The following MB21D2 variants were observed in gnomAD, a reference collection of about 807,000 sequenced individuals.
MB21D2 encodes Mab-21 domain containing 2.
MB21D2 carries 9 observed loss-of-function variants against 33.3 expected under a neutral mutation model. The ratio of observed to expected loss-of-function variants is 0.27; its 90% confidence interval spans 0.16 to 0.47. The LOEUF (loss-of-function observed/expected upper bound fraction) is 0.47, where lower values mean the gene tolerates loss of function less well. Ranked by LOEUF, MB21D2 falls within the 20% of genes least tolerant of loss-of-function variation. MB21D2 has a pLI of 0.99. For missense variants in MB21D2, 540 were observed against 624.6 expected, an observed-to-expected ratio of 0.86 and a Z score of 1.44; for synonymous variants, 241 against 236.3, an observed-to-expected ratio of 1.02 and a Z score of -0.18.
chr3:192,905,741 GA>G (rs1714203266), intron 1 of MB21D2, among the ~76,000 whole-genome samples: 1 of 151,728 alleles, frequency 6.6e-6, no homozygotes, highest in Admixed American at 6.6e-5. Context: ...TCTGAGGTGG[GA>G]AAATTGCTTC....
chr3:192,805,167 G>C (rs755418584), intron 1 of MB21D2, among the ~76,000 whole-genome samples: 2 of 152,182 alleles, frequency 1.3e-5, no homozygotes, highest in Non-Finnish European at 2.9e-5. Context: ...AGAGGTCTCA[G>C]GGCAATGTGC....
intron 1 of MB21D2, among the ~76,000 whole-genome samples, chr3:192,830,811 G>T (rs1463159524): frequency 1.3e-5 from 2 of 152,194 alleles, no homozygotes; most frequent in African/African-American, 4.8e-5. Flanking sequence ...ATCAGAATCT[G>T]TGCTTTAACA....
intron 1 of MB21D2, among the ~76,000 whole-genome samples, chr3:192,855,043 T>C (rs370808038): frequency 2.6e-5 from 4 of 152,354 alleles, no homozygotes; most frequent in Middle Eastern, 3.4e-3. Context: ...CATGTACCAA[T>C]GAGTAATTGT....
At chr3:192,818,433 T>C (rs1711973552) in intron 1 of MB21D2, among the ~76,000 whole-genome samples, 1 of 141,462 alleles carries the variant, frequency 7.1e-6, no homozygotes. Flanking sequence ...AATCAAGAAC[T>C]AGCAGCTAAA....
intron 1 of MB21D2, among the ~76,000 whole-genome samples, chr3:192,823,547 C>T (rs112094009): frequency 7.2e-5 from 11 of 152,028 alleles, no homozygotes; most frequent in Non-Finnish European, 1.6e-4. Flanking sequence ...CCCAGCTACT[C>T]GGGAGGCTGA....
At chr3:192,843,889 G>T (rs1487307707) in intron 1 of MB21D2, among the ~76,000 whole-genome samples, 2 of 152,076 alleles carry the variant, frequency 1.3e-5, no homozygotes, top group East Asian at 1.9e-4. Flanking sequence ...CTCCATGCAC[G>T]ATCAGACAAG....
chr3:192,892,989 G>T (rs542248791), intron 1 of MB21D2, among the ~76,000 whole-genome samples: 2 of 152,106 alleles, frequency 1.3e-5, no homozygotes, highest in Admixed American at 6.6e-5. Context: ...TTTCCTTTTG[G>T]TGTCCTACTT....
intron 1 of MB21D2, among the ~76,000 whole-genome samples, chr3:192,875,544 T>C (rs1713411555): frequency 6.6e-6 from 1 of 152,218 alleles, no homozygotes; most frequent in Non-Finnish European, 1.5e-5. Context: ...GCTATGTTTA[T>C]ACAGCAATAA....
intron 1 of MB21D2, among the ~76,000 whole-genome samples, chr3:192,829,014 C>T (rs1489895948): frequency 6.6e-6 from 1 of 152,038 alleles, no homozygotes; most frequent in East Asian, 1.9e-4. Flanking sequence ...TGTATAACCA[C>T]CACAATTAAG....
intron 1 of MB21D2, among the ~76,000 whole-genome samples, chr3:192,878,527 T>A (rs1307686497): frequency 6.6e-6 from 1 of 152,224 alleles, no homozygotes; most frequent in Non-Finnish European, 1.5e-5. Flanking sequence ...TTAACTTTTT[T>A]ATAGCCCTAA....
chr3:192,812,597 A>G (rs1046470147), intron 1 of MB21D2, among the ~76,000 whole-genome samples: 15 of 152,200 alleles, frequency 9.9e-5, no homozygotes, highest in African/African-American at 3.6e-4. Context: ...CAGATCCTCT[A>G]TATCTGCAAG....
At chr3:192,816,365 C>T (rs923051625) in intron 1 of MB21D2, among the ~76,000 whole-genome samples, 1 of 152,060 alleles carries the variant, frequency 6.6e-6, no homozygotes, top group Admixed American at 6.5e-5. Flanking sequence ...ATGACAGTAA[C>T]TTTCAGATGA....
rs115693244 is a variant in MB21D2, at chr3:192,802,630, A to G, written c.212-2980T>C. Among the ~76,000 whole-genome samples the G allele has an allele frequency of 9.9e-3, 1,515 of 152,360 alleles. 17 individuals carry two copies. Among genetic ancestry groups the G allele is most frequent in the African/African-American group, 0.035 (1,438 of 41,570 alleles). On this transcript the variant is annotated intron_variant, in intron 1 of 1. Transcript: ENST00000392452. ...CCTCATCTTTGCCATGTAAAGAAAT[A>G]CTACCATCCCACGTTTTGGTTATTG...
intron 1 of MB21D2, among the ~76,000 whole-genome samples, chr3:192,808,360 A>G (rs1021481103): frequency 6.6e-6 from 1 of 152,228 alleles, no homozygotes; most frequent in Non-Finnish European, 1.5e-5. Context: ...AAGAGGAAGA[A>G]GAGGAGTGAA....
intron 1 of MB21D2, among the ~76,000 whole-genome samples, chr3:192,898,447 C>T (rs1270124364): frequency 1.3e-5 from 2 of 152,146 alleles, no homozygotes; most frequent in Non-Finnish European, 2.9e-5. Flanking sequence ...CTTATAATTT[C>T]ATGATTATAT....
intron 1 of MB21D2, among the ~76,000 whole-genome samples, chr3:192,828,623 T>TTTTGAG (rs1712239614): frequency 1.5e-4 from 4 of 25,910 alleles, no homozygotes; most frequent in African/African-American, 1.3e-3. Context: ...TATATATATA[T>TTTTGAG]ATATATATAT....
Position 192,888,951 on chromosome 3 carries a change from G to A in MB21D2, c.211+28679C>T, listed in dbSNP as rs73064300. 6.3e-3 allele frequency among the ~76,000 whole-genome samples: 959 copies of A among 152,038 alleles called. 19 individuals are homozygous for A. Among genetic ancestry groups the A allele is most frequent in the African/African-American group, 0.021 (856 of 41,388 alleles). On this transcript the variant is annotated intron_variant, in intron 1 of 1. Transcript: ENST00000392452. ...CAGTGGTGCGATCTGGACTCTGGTAGAGTCTAAGGGACTCTATCATCTCTA... is the reference window on the plus strand; with the variant it reads ...CAGTGGTGCGATCTGGACTCTGGTAAAGTCTAAGGGACTCTATCATCTCTA...
At chr3:192,802,149 T>C (rs2108608572) in intron 1 of MB21D2, among the ~76,000 whole-genome samples, 1 of 152,300 alleles carries the variant, frequency 6.6e-6, no homozygotes, top group Admixed American at 6.5e-5. Flanking sequence ...TCAGGTCCTG[T>C]GGCTGGGATG....
At chr3:192,915,842 T>C (rs900490451) in intron 1 of MB21D2, among the ~76,000 whole-genome samples, 6 of 152,140 alleles carry the variant, frequency 3.9e-5, no homozygotes, top group African/African-American at 1.2e-4. Flanking sequence ...ATGACTACCC[T>C]AACTGGTGGT....
Sources: allele counts gnomAD v4.1 joint callset (sites outside exome capture counted in the v4.1 genomes callset), GRCh38; gene constraint gnomAD v4.1.1; transcripts MANE v1.5; gene names NCBI Gene and HGNC (gene_info 2026-07-23, HGNC 2026-07-21).